EPB41L4A: variants seen among roughly 807,000 people sequenced by gnomAD.
The protein encoded by EPB41L4A is erythrocyte membrane protein band 4.1 like 4A.
A neutral mutation model predicts 108.6 loss-of-function variants in EPB41L4A; 100 were observed. That is an observed-to-expected ratio of 0.92 (90% CI 0.78 to 1.09). The LOEUF is 1.09. EPB41L4A is among the 50% of genes least tolerant of loss of function. The probability of loss-of-function intolerance (pLI) is 0.00; values close to 1 mark genes in which losing one functional copy is unlikely to be tolerated. For synonymous variants in EPB41L4A, 319 were observed against 289.0 expected (o/e 1.10, Z -1.05); for missense variants, 1,030 against 842.7 (o/e 1.22, Z -2.75).
chr5:112,345,652 T>C (rs1757588873), intron 1 of EPB41L4A, among the ~76,000 whole-genome samples: 1 of 152,036 alleles, frequency 6.6e-6, no homozygotes, highest in South Asian at 2.1e-4. Flanking sequence ...CACAGAATGT[T>C]ACCTAATGCC....
At chr5:112,180,031 AACT>A (rs1761066097) in intron 18 of EPB41L4A, among the ~76,000 whole-genome samples, 1 of 152,190 alleles carries the variant, frequency 6.6e-6, no homozygotes, top group Non-Finnish European at 1.5e-5. Flanking sequence ...ACTAAAAAAC[AACT>A]GAAAAATAAA....
At chr5:112,282,739 T>C (rs1367306535) in intron 2 of EPB41L4A, among the ~76,000 whole-genome samples, 1 of 152,214 alleles carries the variant, frequency 6.6e-6, no homozygotes, top group Non-Finnish European at 1.5e-5. Flanking sequence ...TGTCAATATG[T>C]GCTTGTGGCA....
chr5:112,323,992 T>C (rs1755979763), intron 1 of EPB41L4A, among the ~76,000 whole-genome samples: 1 of 152,180 alleles, frequency 6.6e-6, no homozygotes, highest in Non-Finnish European at 1.5e-5. Flanking sequence ...AGGCCTTTTT[T>C]CAACATGCAA....
intron 1 of EPB41L4A, among the ~76,000 whole-genome samples, chr5:112,371,718 C>G (rs1226128167): frequency 6.6e-6 from 1 of 152,098 alleles, no homozygotes; most frequent in Non-Finnish European, 1.5e-5. Flanking sequence ...AAATTGCTCT[C>G]ATTGTTTATT....
chr5:112,315,684 T>G (rs969883271), intron 1 of EPB41L4A, among the ~76,000 whole-genome samples: 4 of 152,122 alleles, frequency 2.6e-5, no homozygotes, highest in African/African-American at 9.7e-5. Flanking sequence ...ATCTTATATT[T>G]AAAATGGCTA....
chr5:112,398,642 G>A (rs909254187), intron 1 of EPB41L4A, among the ~76,000 whole-genome samples: 1 of 152,064 alleles, frequency 6.6e-6, no homozygotes, highest in African/African-American at 2.4e-5. Flanking sequence ...TCCTGCCTCG[G>A]CCTCCCAAAG....
At chr5:112,331,639 C>T (rs929959216) in intron 1 of EPB41L4A, among the ~76,000 whole-genome samples, 2 of 152,196 alleles carry the variant, frequency 1.3e-5, no homozygotes, top group African/African-American at 4.8e-5. Context: ...GGTACTATTG[C>T]TGCACCCCAA....
intron 12 of EPB41L4A, among the ~76,000 whole-genome samples, chr5:112,231,612 CG>C (rs1748937075): frequency 1.3e-5 from 2 of 150,260 alleles, no homozygotes; most frequent in Admixed American, 1.3e-4. Context: ...GGTGAAACCC[CG>C]TCTCTACTAA....
intron 1 of EPB41L4A, among the ~76,000 whole-genome samples, chr5:112,380,170 A>G (rs1189286440): frequency 1.3e-5 from 2 of 152,168 alleles, no homozygotes; most frequent in Non-Finnish European, 2.9e-5. Context: ...TCAGAGGGTC[A>G]GAAGGTCTGA....
chr5:112,391,929 T>C (rs563568692), intron 1 of EPB41L4A, among the ~76,000 whole-genome samples: 32 of 152,278 alleles, frequency 2.1e-4, no homozygotes, highest in African/African-American at 7.7e-4. Flanking sequence ...TTCAACATTC[T>C]TAAAGAAAAG....
At chr5:112,348,767 CTG>C (rs1757849146) in intron 1 of EPB41L4A, among the ~76,000 whole-genome samples, 1 of 152,198 alleles carries the variant, frequency 6.6e-6, no homozygotes, top group South Asian at 2.1e-4. Flanking sequence ...CAAATCAAAA[CTG>C]TGTTTCAAGG....
intron 18 of EPB41L4A, among the ~76,000 whole-genome samples, chr5:112,181,026 T>C (rs1423817984): frequency 6.6e-6 from 1 of 152,214 alleles, no homozygotes; most frequent in East Asian, 1.9e-4. Context: ...CCTAGTAGAA[T>C]GGCGAAAATT....
Position 112,169,070 on chromosome 5 carries a change from T to A in EPB41L4A, c.1775A>T (p.His592Leu), listed in dbSNP as rs1264867754. 1.2e-6 allele frequency: 2 copies of A among 1,612,310 alleles called. No homozygotes were observed. The highest frequency in any genetic ancestry group is 1.7e-6 in the Non-Finnish European group (2 of 1,178,382). Residue 592 changes from histidine to leucine, a missense_variant, in exon 21 of 23, where the codon CAT (histidine) becomes CTT (leucine). Physicochemically the swap from His to Leu is moderately conservative, Grantham distance 99. Coordinates refer to ENST00000261486, the MANE Select transcript of EPB41L4A (RefSeq NM_022140.5). ...QGDPIRIRHS[H>L]SPRSYRQYRR... is the part of the protein sequence containing the mutation. ...ATACTGGCGGTAACTTCGTGGCGAATGAGAATGCCTGATGCGGATTGGGTC... is the reference window on the plus strand; with the variant it reads ...ATACTGGCGGTAACTTCGTGGCGAAAGAGAATGCCTGATGCGGATTGGGTC...
chr5:112,401,264 T>C (rs573308272), intron 1 of EPB41L4A, among the ~76,000 whole-genome samples: 1 of 152,286 alleles, frequency 6.6e-6, no homozygotes, highest in South Asian at 2.1e-4. Context: ...ACTAGCCACA[T>C]CCAGCAGACC....
At position 112,291,417 on chromosome 5, in the gene EPB41L4A, G is replaced by A. The variant is rs575589490; in HGVS notation, c.205-11094C>T. Among the ~76,000 whole-genome samples, 27 of 152,262 alleles carry A rather than the reference G, an allele frequency of 1.8e-4. 1 individual carries two copies. In the East Asian group the frequency reaches 5.2e-3, roughly 29 times the overall value. On this transcript the variant is annotated intron_variant, in intron 2 of 22. Coordinates refer to ENST00000261486, the MANE Select transcript of EPB41L4A (RefSeq NM_022140.5). ...GAGGTCTCTTCTAACCACCTGTGGT[G>A]TTTATGATATATATTGGTTTTCATC... is the stretch of plus-strand genomic sequence containing the variant.
Position 112,280,281 on chromosome 5 carries a change from G to C in EPB41L4A, c.247C>G (p.Leu83Val). ...AAAGCTAAATACCTACTGTTGATCAGTTCTTTGTGTTCAGCAAGGGTTTTT... is the reference window on the plus strand; with the variant it reads ...AAAGCTAAATACCTACTGTTGATCACTTCTTTGTGTTCAGCAAGGGTTTTT... ...PAKTLAEHKE[L>V]INTGPPYTLY... The change falls in exon 3 of 23, where the codon CTG becomes GTG. Residue 83 changes from leucine (L) to valine (V), a missense_variant. By Grantham distance (32) the Leu-to-Val change is conservative. Transcript: ENST00000261486. 1 of 1,613,840 alleles carries C rather than the reference G, an allele frequency of 6.2e-7. No individual in the cohort carries two copies. Among genetic ancestry groups the C allele is most frequent in the Non-Finnish European group, 8.5e-7 (1 of 1,179,770 alleles).
At chr5:112,201,613 A>G (rs139864465) in intron 15 of EPB41L4A, among the ~76,000 whole-genome samples, 1 of 152,310 alleles carries the variant, frequency 6.6e-6, no homozygotes, top group Admixed American at 6.5e-5. Flanking sequence ...AAAACTATAA[A>G]ACTCTATCTA....
At chr5:112,359,405 C>T (rs780269664) in intron 1 of EPB41L4A, among the ~76,000 whole-genome samples, 8 of 152,170 alleles carry the variant, frequency 5.3e-5, no homozygotes, top group African/African-American at 7.2e-5. Context: ...TAGCTGATTT[C>T]AAAAGCTTTT....
At chr5:112,211,543 G>C (rs960760065) in intron 12 of EPB41L4A, among the ~76,000 whole-genome samples, 2 of 150,870 alleles carry the variant, frequency 1.3e-5, no homozygotes, top group African/African-American at 4.9e-5. Context: ...AGCTGAGATT[G>C]CGCCACTACA....
Sources: gnomAD v4.1 joint callset for allele counts (sites outside exome capture counted in the v4.1 genomes callset) on GRCh38, gnomAD v4.1.1 for gene constraint, MANE v1.5 for transcripts, NCBI Gene and HGNC (gene_info 2026-07-23, HGNC 2026-07-21) for gene names.